Variants in MYO10 observed in about 807,000 individuals in gnomAD.
MYO10 encodes the protein myosin X.
MYO10 carries 133 observed loss-of-function variants against 257.3 expected under a neutral mutation model. The ratio of observed to expected loss-of-function variants is 0.52; its 90% CI spans 0.45 to 0.60. The LOEUF is 0.60. Ranked by LOEUF, MYO10 falls within the 20% of genes least tolerant of loss-of-function variation. The pLI is 0.00. For synonymous variants in MYO10, 1,104 were observed against 1,028.6 expected (o/e 1.07, Z -1.40); for missense variants, 2,399 against 2,635.7 (o/e 0.91, Z 1.97).
chr5:16,822,929 C>T (rs534323553), intron 2 of MYO10, among the ~76,000 whole-genome samples: 6 of 151,628 alleles, frequency 4.0e-5, no homozygotes, highest in African/African-American at 7.2e-5. Flanking sequence ...CCTCGTGATC[C>T]GCCCGCCTCG....
intron 1 of MYO10, among the ~76,000 whole-genome samples, chr5:16,932,520 G>T (rs563299218): frequency 6.6e-6 from 1 of 152,086 alleles, no homozygotes; most frequent in African/African-American, 2.4e-5. Context: ...TTAGTTTCTG[G>T]CTGAAGTAAA....
At chr5:16,669,582 T>TG (rs1736346181) in intron 39 of MYO10, among the ~76,000 whole-genome samples, 1 of 152,196 alleles carries the variant, frequency 6.6e-6, no homozygotes. Flanking sequence ...ATCTATTCCT[T>TG]GTCAGGGAGA....
intron 14 of MYO10, 34 bp from the exon 15 acceptor site, chr5:16,762,671 T>C (rs1193645397): frequency 5.3e-6 from 8 of 1,496,766 alleles, no homozygotes; most frequent in Middle Eastern, 1.7e-4. Context: ...GAATTAAAAG[T>C]TGAATGTGGC....
At chr5:16,885,448 G>A (rs1250659637) in intron 1 of MYO10, among the ~76,000 whole-genome samples, 1 of 152,122 alleles carries the variant, frequency 6.6e-6, no homozygotes, top group Non-Finnish European at 1.5e-5. Context: ...AAGGCAGGCG[G>A]ATCACCTGAG....
chr5:16,741,962 C>T (rs1399381861), intron 19 of MYO10: 1 of 985,252 alleles, frequency 1.0e-6, no homozygotes, highest in Admixed American at 6.2e-5. Context: ...GGCTGTGCTG[C>T]TTAATTCATT....
chr5:16,797,326 T>C (rs1742000181), intron 3 of MYO10, among the ~76,000 whole-genome samples: 1 of 152,042 alleles, frequency 6.6e-6, no homozygotes, highest in African/African-American at 2.4e-5. Context: ...AGAGAAAATA[T>C]CAGAAGTCCA....
intron 19 of MYO10, 84 bp downstream of exon 19, chr5:16,754,744 G>A (rs914837612): frequency 5.6e-5 from 54 of 959,880 alleles, no homozygotes; most frequent in Non-Finnish European, 7.8e-5. Flanking sequence ...AAAGGACTTT[G>A]GAGAAACCAA....
At chr5:16,912,452 A>C (rs1306347352) in intron 1 of MYO10, among the ~76,000 whole-genome samples, 2 of 152,132 alleles carry the variant, frequency 1.3e-5, no homozygotes, top group African/African-American at 4.8e-5. Context: ...CCATATTTGT[A>C]GCCTTTGTAC....
At position 16,818,381 on chromosome 5, in the gene MYO10, CGTGTGTGTGTGTGTGT is replaced by C. The variant is rs66684462; in HGVS notation, c.121-230_121-215del. Among the ~76,000 whole-genome samples the C allele has an allele frequency of 3.0e-3, 401 of 134,066 alleles. 9 individuals carry two copies. The highest frequency in any genetic ancestry group is 0.011 in the African/African-American group (387 of 33,902). The allele number at this position is 134,066 out of a possible 152,430, so 88.0% of individuals were successfully genotyped here. On this transcript the variant is annotated intron_variant, in intron 2 of 40. Transcript: ENST00000513610. The stretch of plus-strand genomic sequence containing the variant: ...GTATGTATGTGTGTGTGTGTGTGTG[CGTGTGTGTGTGTGTGT>C]GTGTGTGTGTGTGTATATATATATA...
chr5:16,818,098 C>T lies in MYO10; in HGVS notation c.190G>A (p.Gly64Ser), dbSNP rs1157758396. 3.2e-5 allele frequency: 51 copies of T among 1,611,760 alleles called. No homozygotes were observed. The highest frequency in any genetic ancestry group is 1.6e-4 in the Middle Eastern group (1 of 6,078). Residue 64 changes from glycine (G) to serine (S), a missense_variant, in exon 3 of 41, where the codon GGC (glycine) becomes AGC (serine). Physicochemically the swap from Gly to Ser is moderately conservative, Grantham distance 56. Around this residue, in one of 3 missense-constraint regions of MYO10, gnomAD observed 242 missense variants for 249.5 expected, o/e 0.97. Transcript: ENST00000513610. The stretch of plus-strand genomic sequence containing the variant: ...GTCAAGGACGCCATGTCATCCACGC[C>T]CTCCTCGTTCGTGGGGTGCATAGCA... ...VTAMHPTNEE[G>S]VDDMASLTEL...
chr5:16,835,492 GTTT>G (rs1554001242), intron 2 of MYO10, among the ~76,000 whole-genome samples: 28 of 81,062 alleles, frequency 3.5e-4, no homozygotes, highest in African/African-American at 1.2e-3. Context: ...ATTTTTGGCT[GTTT>G]TTTTTTTTTT....
chr5:16,835,794 G>A (rs34884577), intron 2 of MYO10, among the ~76,000 whole-genome samples: 24,326 of 139,316 alleles, frequency 0.17, 2,198 homozygotes, highest in East Asian at 0.25. Context: ...TACTAATTAA[G>A]GAGGGCAAAA....
intron 19 of MYO10, among the ~76,000 whole-genome samples, chr5:16,740,443 G>A (rs1257393376): frequency 6.6e-6 from 1 of 152,140 alleles, no homozygotes; most frequent in African/African-American, 2.4e-5. Context: ...GCTCACAGTG[G>A]GAGCAGGAGT....
chr5:16,712,911 C>T (rs1417896984), intron 19 of MYO10, among the ~76,000 whole-genome samples: 5 of 152,126 alleles, frequency 3.3e-5, no homozygotes. Flanking sequence ...ACAAAATTAG[C>T]CTTGGTGACT....
At chr5:16,707,720 G>A (rs185872023) in intron 21 of MYO10, among the ~76,000 whole-genome samples, 61 of 152,278 alleles carry the variant, frequency 4.0e-4, no homozygotes, top group African/African-American at 1.3e-3. Context: ...CACCGTAAAC[G>A]CAGCTGTTCA....
chr5:16,690,196 C>T (rs1737434333), intron 27 of MYO10, among the ~76,000 whole-genome samples: 1 of 152,188 alleles, frequency 6.6e-6, no homozygotes, highest in Non-Finnish European at 1.5e-5. Context: ...AATGCATTTG[C>T]AACATACTAG....
chr5:16,707,073 T>C (rs1277797384), intron 21 of MYO10, among the ~76,000 whole-genome samples: 1 of 152,168 alleles, frequency 6.6e-6, no homozygotes, highest in Non-Finnish European at 1.5e-5. Context: ...ATAAGTCTCA[T>C]GGGATCTGAT....
At chr5:16,856,312 A>G (rs1743959518) in intron 2 of MYO10, among the ~76,000 whole-genome samples, 1 of 152,142 alleles carries the variant, frequency 6.6e-6, no homozygotes, top group Non-Finnish European at 1.5e-5. Flanking sequence ...TAATCCCAGC[A>G]TTTCAGGAGG....
At chr5:16,794,206 T>C (rs999376186) in intron 4 of MYO10, among the ~76,000 whole-genome samples, 1 of 152,062 alleles carries the variant, frequency 6.6e-6, no homozygotes, top group Non-Finnish European at 1.5e-5. Context: ...AGTTATTTTA[T>C]TGCAGTAGAG....
Sources: allele counts gnomAD v4.1 joint callset (sites outside exome capture counted in the v4.1 genomes callset), GRCh38; gene constraint gnomAD v4.1.1; regional missense constraint gnomAD v4.1.1; transcripts MANE v1.5; gene names NCBI Gene and HGNC (gene_info 2026-07-23, HGNC 2026-07-21).